The following GRM8 variants were observed in gnomAD, a reference collection of about 807,000 sequenced individuals.
GRM8 encodes glutamate metabotropic receptor 8.
Under a neutral mutation model 87.2 loss-of-function variants are expected in GRM8, and 47 were observed. The observed-to-expected ratio is 0.54, with a 90% CI of 0.43 to 0.69. GRM8 has a LOEUF of 0.69. Ranked by LOEUF, GRM8 falls within the 30% of genes least tolerant of loss-of-function variation. The pLI, the probability that GRM8 is intolerant of heterozygous loss-of-function variation, is 0.00. For synonymous variants in GRM8, 396 were observed against 404.5 expected (o/e 0.98, Z 0.25); for missense variants, 1,019 against 1,139.2 (o/e 0.89, Z 1.52).
At chr7:127,008,499 C>T (rs1311872551) in intron 3 of GRM8, among the ~76,000 whole-genome samples, 2 of 152,080 alleles carry the variant, frequency 1.3e-5, no homozygotes. Context: ...GTTTGCAATG[C>T]ATTTGTGAAA....
At chr7:126,805,760 T>A (rs1158375568) in intron 6 of GRM8, among the ~76,000 whole-genome samples, 1 of 152,186 alleles carries the variant, frequency 6.6e-6, no homozygotes, top group Non-Finnish European at 1.5e-5. Flanking sequence ...CTACTCACCC[T>A]CTTTGCTTTA....
chr7:127,006,554 T>C (rs1054493971), intron 3 of GRM8, among the ~76,000 whole-genome samples: 1 of 152,032 alleles, frequency 6.6e-6, no homozygotes, highest in Non-Finnish European at 1.5e-5. Context: ...ACAACCTCTA[T>C]CTTGCCATAT....
Position 126,951,451 on chromosome 7 carries a change from A to G in GRM8, c.728-46768T>C, listed in dbSNP as rs547810681. On this transcript the variant is annotated intron_variant, in intron 3 of 10. Coordinates refer to ENST00000339582, the MANE Select transcript of GRM8 (RefSeq NM_000845.3). ...CCCTAAGCAATCAACAACTAAAACT[A>G]ACAATGATGAGGATCCAAAATGCAA... is the stretch of plus-strand genomic sequence containing the variant. Among the ~76,000 whole-genome samples the G allele has an allele frequency of 2.6e-5, 4 of 152,174 alleles. No individual in the cohort carries two copies. The South Asian group carries it at 8.3e-4, about 32-fold the overall frequency.
At chr7:127,032,554 C>T (rs1817478685) in intron 3 of GRM8, among the ~76,000 whole-genome samples, 2 of 152,144 alleles carry the variant, frequency 1.3e-5, no homozygotes, top group African/African-American at 4.8e-5. Context: ...AAGCCCTGTA[C>T]TTTGTAAAGG....
In GRM8 at chr7:126,943,310, T is replaced by TC. The variant is rs201578841; in HGVS notation, c.728-38628dup. On this transcript the variant is annotated intron_variant, in intron 3 of 10. Coordinates refer to ENST00000339582, the MANE Select transcript of GRM8 (RefSeq NM_000845.3). Reference sequence around the variant, plus strand: ...GCCCTGGGTTTCTGAGTCCCTTTTTTCTCTCTCCACTACCCAGAGCAAGCA... The same window carrying TC: ...GCCCTGGGTTTCTGAGTCCCTTTTTTCCTCTCTCCACTACCCAGAGCAAGCA... Among the ~76,000 whole-genome samples, 60 of 152,274 alleles carry TC rather than the reference T, an allele frequency of 3.9e-4. 2 individuals carry two copies. In the East Asian group the frequency reaches 0.01, roughly 27 times the overall value.
chr7:126,952,779 T>A (rs1808300999), intron 3 of GRM8, among the ~76,000 whole-genome samples: 1 of 152,040 alleles, frequency 6.6e-6, no homozygotes, highest in African/African-American at 2.4e-5. Flanking sequence ...TCTATACTCT[T>A]CAAAAATATA....
chr7:126,549,863 G>A (rs1192406784), intron 8 of GRM8, among the ~76,000 whole-genome samples: 1 of 152,060 alleles, frequency 6.6e-6, no homozygotes, highest in Non-Finnish European at 1.5e-5. Flanking sequence ...AAACATGTGA[G>A]AAACCTACAA....
intron 2 of GRM8, among the ~76,000 whole-genome samples, chr7:127,215,663 G>C (rs1796483653): frequency 6.6e-6 from 1 of 152,136 alleles, no homozygotes; most frequent in Non-Finnish European, 1.5e-5. Context: ...TGTGAGCTTA[G>C]CTACATATTT....
chr7:126,769,206 T>C (rs1233506722), intron 7 of GRM8, among the ~76,000 whole-genome samples: 2 of 152,108 alleles, frequency 1.3e-5, no homozygotes, highest in Non-Finnish European at 2.9e-5. Flanking sequence ...CATTCAATAA[T>C]TCCATCACTT....
chr7:126,467,049 G>GT (rs1804579482), intron 9 of GRM8, among the ~76,000 whole-genome samples: 1 of 151,712 alleles, frequency 6.6e-6, no homozygotes, highest in African/African-American at 2.4e-5. Context: ...GAACATGCAG[G>GT]TTTGTTACAC....
chr7:126,969,777 C>T (rs916503865), intron 3 of GRM8, among the ~76,000 whole-genome samples: 2 of 152,056 alleles, frequency 1.3e-5, no homozygotes, highest in African/African-American at 4.8e-5. Flanking sequence ...TTTACTTTGC[C>T]CGGATACATA....
chr7:127,179,953 GC>G (rs1252132158), intron 2 of GRM8, among the ~76,000 whole-genome samples: 1 of 151,882 alleles, frequency 6.6e-6, no homozygotes, highest in Non-Finnish European at 1.5e-5. Context: ...AGAGAAACAA[GC>G]GCAAACCAAA....
intron 3 of GRM8, among the ~76,000 whole-genome samples, chr7:126,990,212 C>T (rs887581918): frequency 6.6e-6 from 1 of 151,914 alleles, no homozygotes; most frequent in African/African-American, 2.4e-5. Context: ...TGGCTAGGAA[C>T]ACTAAATACT....
At chr7:127,042,369 C>T (rs1319017510) in intron 3 of GRM8, among the ~76,000 whole-genome samples, 1 of 152,166 alleles carries the variant, frequency 6.6e-6, no homozygotes, top group Non-Finnish European at 1.5e-5. Context: ...TGGCAGGTGC[C>T]AAGGCACAGA....
At chr7:126,569,727 C>A (rs1445646083) in intron 8 of GRM8, among the ~76,000 whole-genome samples, 1 of 152,130 alleles carries the variant, frequency 6.6e-6, no homozygotes, top group Non-Finnish European at 1.5e-5. Context: ...TATAAATTAT[C>A]CAAAAATGCA....
At chr7:126,801,988 C>T (rs967295712) in intron 6 of GRM8, among the ~76,000 whole-genome samples, 5 of 152,160 alleles carry the variant, frequency 3.3e-5, no homozygotes, top group African/African-American at 1.2e-4. Context: ...CACTATATTA[C>T]TGATGCAATA....
chr7:126,483,745 C>CTCCT (rs1440550121), intron 9 of GRM8, among the ~76,000 whole-genome samples: 1,358 of 36,454 alleles, frequency 0.037, 50 homozygotes, highest in African/African-American at 0.13. Context: ...TAGTATTTCC[C>CTCCT]TCCCTCCCTC....
Position 126,710,791 on chromosome 7 carries a change from G to A in GRM8, c.1357+59074C>T, listed in dbSNP as rs118018945. Among the ~76,000 whole-genome samples the A allele has an allele frequency of 4.2e-3, 634 of 152,284 alleles. 8 individuals carry two copies. The highest frequency in any genetic ancestry group is 0.036 in the South Asian group (173 of 4,824). On this transcript the variant is annotated intron_variant, in intron 7 of 10. Transcript: ENST00000339582. The stretch of plus-strand genomic sequence containing the variant: ...TCGTGAATGTTCTTAATGGCATCTA[G>A]AATGGTGAATTTTTTTCAGAAGGTG...
Position 126,580,982 on chromosome 7 carries a change from A to G in GRM8, c.1494+28380T>C, listed in dbSNP as rs542144007. Among the ~76,000 whole-genome samples the G allele has an allele frequency of 2.0e-5, 3 of 151,934 alleles. No homozygotes were observed. The East Asian group carries it at 5.8e-4, about 29-fold the overall frequency. ...TAAAAAAATAGAAAAAAAAACAATT[A>G]TCCTAACATTCCCTAAACTTATTTG... is the stretch of plus-strand genomic sequence containing the variant. On this transcript the variant is annotated intron_variant, in intron 8 of 10. Transcript: ENST00000339582.
Sources: allele counts gnomAD v4.1 joint callset (sites outside exome capture counted in the v4.1 genomes callset), GRCh38; gene constraint gnomAD v4.1.1; transcripts MANE v1.5; gene names NCBI Gene and HGNC (gene_info 2026-07-23, HGNC 2026-07-21).